NOVA1: variants seen among roughly 807,000 people sequenced by gnomAD.
NOVA1 encodes the protein NOVA alternative splicing regulator 1.
In NOVA1, 7 loss-of-function variants were observed where a neutral mutation model predicts 38.0. The observed-to-expected ratio is 0.18, with a 90% CI of 0.10 to 0.35. NOVA1 has a LOEUF of 0.35. Among genes scored for constraint, NOVA1 ranks in the 10% least tolerant of loss-of-function variants. The pLI is 1.00. For missense variants in NOVA1, 460 were observed against 616.0 expected, an observed-to-expected ratio of 0.75 and a Z score of 2.68; for synonymous variants, 270 against 232.5, an observed-to-expected ratio of 1.16 and a Z score of -1.47.
At chr14:26,569,069 T>C (rs1892311248) in intron 2 of NOVA1, among the ~76,000 whole-genome samples, 1 of 152,036 alleles carries the variant, frequency 6.6e-6, no homozygotes, top group Admixed American at 6.5e-5. Context: ...TTCAAAAAAT[T>C]CCCTCAGGTA....
intron 2 of NOVA1, among the ~76,000 whole-genome samples, chr14:26,484,276 T>C (rs1242678645): frequency 1.3e-5 from 2 of 148,318 alleles, no homozygotes; most frequent in African/African-American, 5.0e-5. Context: ...CTACTAAAAA[T>C]ACAAAAAAAA....
At chr14:26,541,672 G>A (rs898847040) in intron 2 of NOVA1, among the ~76,000 whole-genome samples, 4 of 150,622 alleles carry the variant, frequency 2.7e-5, no homozygotes, top group African/African-American at 4.9e-5. Flanking sequence ...ATCCTAAGTC[G>A]ATGTTCACCT....
chr14:26,491,843 G>C (rs1297186855), intron 2 of NOVA1, among the ~76,000 whole-genome samples: 2 of 151,962 alleles, frequency 1.3e-5, no homozygotes, highest in Non-Finnish European at 2.9e-5. Flanking sequence ...TATCTTTACA[G>C]TAAGTTTTGA....
chr14:26,472,862 T>C (rs1222599933), intron 3 of NOVA1, among the ~76,000 whole-genome samples: 1 of 152,078 alleles, frequency 6.6e-6, no homozygotes, highest in Non-Finnish European at 1.5e-5. Context: ...CTTAATATGT[T>C]GAACATCACC....
At chr14:26,540,616 C>T (rs1890405854) in intron 2 of NOVA1, among the ~76,000 whole-genome samples, 1 of 152,148 alleles carries the variant, frequency 6.6e-6, no homozygotes, top group South Asian at 2.1e-4. Context: ...TAGTAGCAAA[C>T]CAAGTGTTCT....
At chr14:26,596,758 A>C in intron 1 of NOVA1, 1 of 1,254,290 alleles carries the variant, frequency 8.0e-7, no homozygotes, top group Non-Finnish European at 1.0e-6. Context: ...TTGCACCGAC[A>C]ATCTAAGTGC....
At chr14:26,470,054 C>T (rs1884460874) in intron 4 of NOVA1, 1 of 414,732 alleles carries the variant, frequency 2.4e-6, no homozygotes, top group African/African-American at 2.1e-5. Flanking sequence ...AACATGTCAT[C>T]ATTTTTAAAA....
At chr14:26,480,679 A>G (rs1313454080) in intron 2 of NOVA1, among the ~76,000 whole-genome samples, 1 of 149,356 alleles carries the variant, frequency 6.7e-6, no homozygotes. Flanking sequence ...TTTTTTTTTT[A>G]CTTTTTCACT....
intron 4 of NOVA1, 197 bp downstream of exon 4, chr14:26,472,123 T>C: frequency 1.9e-6 from 1 of 513,700 alleles, no homozygotes. Flanking sequence ...CTGAATATAG[T>C]ATTTGTTATC....
intron 2 of NOVA1, among the ~76,000 whole-genome samples, chr14:26,484,164 G>A (rs1179907928): frequency 6.6e-6 from 1 of 151,984 alleles, no homozygotes; most frequent in Non-Finnish European, 1.5e-5. Context: ...GCCGGGTGCG[G>A]TGGCTCACAC....
chr14:26,570,690 C>T (rs1009536955), intron 2 of NOVA1, among the ~76,000 whole-genome samples: 3 of 152,110 alleles, frequency 2.0e-5, no homozygotes, highest in Admixed American at 2.0e-4. Context: ...TAAAACAACA[C>T]ATAAACTACT....
chr14:26,451,156 A>C (rs1322385454), intron 4 of NOVA1, among the ~76,000 whole-genome samples: 1 of 152,148 alleles, frequency 6.6e-6, no homozygotes, highest in Non-Finnish European at 1.5e-5. Context: ...AAATGTGTGA[A>C]GATATTAATT....
intron 2 of NOVA1, among the ~76,000 whole-genome samples, chr14:26,528,943 G>C (rs1889495173): frequency 6.6e-6 from 1 of 152,134 alleles, no homozygotes; most frequent in African/African-American, 2.4e-5. Context: ...CAGCTGAAGT[G>C]AGATATGTGT....
chr14:26,503,096 A>G (rs962009172), intron 2 of NOVA1, among the ~76,000 whole-genome samples: 1 of 152,014 alleles, frequency 6.6e-6, no homozygotes, highest in Admixed American at 6.6e-5. Flanking sequence ...ATACTTTATA[A>G]TTTCTGTAGA....
At chr14:26,572,599 A>C (rs1308919849) in intron 2 of NOVA1, among the ~76,000 whole-genome samples, 2 of 152,100 alleles carry the variant, frequency 1.3e-5, no homozygotes, top group Non-Finnish European at 2.9e-5. Flanking sequence ...TAATTACAAG[A>C]AGCATTAAAA....
rs1173469531 is a variant in NOVA1, at chr14:26,448,887, T to C, written c.596A>G (p.Glu199Gly). ...AAGCTGCACCCAAGCCCCTGACTGC[T>C]CCATTACAGCCTTCACAGTAGCACC... is the stretch of plus-strand genomic sequence containing the variant. ...KGGATVKAVM[E>G]QSGAWVQLSQ... Residue 199 changes from glutamate to glycine, a missense_variant, in exon 5 of 5, where the codon GAG becomes GGG. Transcript: ENST00000539517. The surrounding 1 kb of genome is among the most constrained non-coding windows in gnomAD (Gnocchi z 5.3). 2.5e-6 allele frequency: 4 copies of C among 1,614,076 alleles called. No homozygotes were observed. The highest frequency in any genetic ancestry group is 1.7e-5 in the Admixed American group (1 of 60,000).
intron 2 of NOVA1, among the ~76,000 whole-genome samples, chr14:26,544,869 T>C (rs890584827): frequency 6.6e-6 from 1 of 152,036 alleles, no homozygotes; most frequent in Admixed American, 6.6e-5. Context: ...ACTCTCTGCT[T>C]GCACCCTGAA....
chr14:26,503,721 TA>T (rs1566485063), intron 2 of NOVA1, among the ~76,000 whole-genome samples: 1 of 152,038 alleles, frequency 6.6e-6, no homozygotes, highest in Non-Finnish European at 1.5e-5. Context: ...GCAAAAAATA[TA>T]AAAATTAAAC....
chr14:26,479,372 T>G (rs553856915), intron 3 of NOVA1: 1 of 152,134 alleles, frequency 6.6e-6, no homozygotes, highest in African/African-American at 2.4e-5. Flanking sequence ...CAAGTAAAAT[T>G]TTTTACAAAA....
Sources: allele counts gnomAD v4.1 joint callset (sites outside exome capture counted in the v4.1 genomes callset), GRCh38; gene constraint gnomAD v4.1.1; non-coding constraint Gnocchi (gnomAD v3.1); transcripts MANE v1.5; gene names NCBI Gene and HGNC (gene_info 2026-07-23, HGNC 2026-07-21).